Variants in MYO1D observed in about 807,000 individuals in gnomAD.
MYO1D encodes the protein myosin ID.
MYO1D carries 83 observed loss-of-function variants against 122.0 expected under a neutral mutation model. The ratio of observed to expected loss-of-function variants is 0.68; its 90% CI spans 0.57 to 0.82. The LOEUF is 0.82. Ranked by LOEUF, MYO1D falls within the 40% of genes least tolerant of loss-of-function variation. The pLI is 0.00. For missense variants in MYO1D, 1,157 were observed against 1,269.5 expected, an observed-to-expected ratio of 0.91 and a Z score of 1.35; for synonymous variants, 464 against 446.9, an observed-to-expected ratio of 1.04 and a Z score of -0.48.
chr17:32,579,488 T>C (rs1203920779), intron 21 of MYO1D, among the ~76,000 whole-genome samples: 1 of 152,224 alleles, frequency 6.6e-6, no homozygotes, highest in African/African-American at 2.4e-5. Context: ...GTCACTTTTA[T>C]TAAGGCATGC....
At chr17:32,699,345 G>A (rs894929827) in intron 16 of MYO1D, among the ~76,000 whole-genome samples, 2 of 152,130 alleles carry the variant, frequency 1.3e-5, no homozygotes, top group Non-Finnish European at 2.9e-5. Context: ...TACATATCAA[G>A]TTTCTGAAAT....
Position 32,755,614 on chromosome 17 carries a change from G to A in MYO1D, c.1345C>T (p.His449Tyr). Reference sequence around the variant, plus strand: ...TCAAGGATTGCAATGATCCCTTTGTGCTGTTGCTCCACGAGGTCAACAATG... The same window carrying A: ...TCAAGGATTGCAATGATCCCTTTGTACTGTTGCTCCACGAGGTCAACAATG... ...QIIVDLVEQQ[H>Y]KGIIAILDDA... The change falls in exon 11 of 22, where the codon CAC becomes TAC. Residue 449 changes from histidine (H) to tyrosine (Y), a missense_variant. Transcript: ENST00000318217. 1.2e-6 allele frequency: 2 copies of A among 1,613,804 alleles called. No homozygotes were observed. The highest frequency in any genetic ancestry group is 1.7e-6 in the Non-Finnish European group (2 of 1,179,810).
intron 14 of MYO1D, among the ~76,000 whole-genome samples, chr17:32,721,771 G>A (rs2150992086): frequency 6.6e-6 from 1 of 152,264 alleles, no homozygotes; most frequent in African/African-American, 2.4e-5. Flanking sequence ...ATTCTATGAA[G>A]GAGCTCAGCT....
intron 12 of MYO1D, among the ~76,000 whole-genome samples, chr17:32,748,722 T>C (rs2089866679): frequency 6.6e-6 from 1 of 152,230 alleles, no homozygotes; most frequent in South Asian, 2.1e-4. Context: ...GTACGAAATG[T>C]ACATGGGCAA....
At chr17:32,553,202 C>A (rs2087036893) in intron 21 of MYO1D, among the ~76,000 whole-genome samples, 1 of 151,822 alleles carries the variant, frequency 6.6e-6, no homozygotes, top group Non-Finnish European at 1.5e-5. Flanking sequence ...TGGGGGAACT[C>A]CTTAGAGGAG....
Position 32,653,768 on chromosome 17 carries a change from T to C in MYO1D, c.2595+75A>G, listed in dbSNP as rs2088432492. Reference sequence around the variant, plus strand: ...TTATGTACCTACTGTTATGTTTTATTACAGGCTTGCTTAAGTGAGTTTCAT... The same window carrying C: ...TTATGTACCTACTGTTATGTTTTATCACAGGCTTGCTTAAGTGAGTTTCAT... On this transcript the variant is annotated intron_variant, in intron 19 of 21. Transcript: ENST00000318217. 4 of 1,272,890 alleles carry C rather than the reference T, an allele frequency of 3.1e-6. 1 individual carries two copies. The highest frequency in any genetic ancestry group is 4.5e-6 in the Non-Finnish European group (4 of 884,466). 78.8% of individuals were successfully genotyped at this position (1,272,890 alleles called of 1,614,324 possible). A position where few individuals can be genotyped will look rare whatever the true frequency, so the allele number is the denominator to read the frequency against.
At chr17:32,814,475 A>C (rs1227873581) in intron 1 of MYO1D, among the ~76,000 whole-genome samples, 1 of 152,248 alleles carries the variant, frequency 6.6e-6, no homozygotes, top group Non-Finnish European at 1.5e-5. Context: ...CATATAAATG[A>C]CCTTATAAAA....
chr17:32,791,349 G>A (rs1220883417), intron 1 of MYO1D, among the ~76,000 whole-genome samples: 1 of 140,926 alleles, frequency 7.1e-6, no homozygotes, highest in South Asian at 2.2e-4. Flanking sequence ...GGGCAGCAGA[G>A]CGAGACTCCG....
chr17:32,664,846 A>C (rs1413604833), intron 16 of MYO1D, among the ~76,000 whole-genome samples: 1 of 152,216 alleles, frequency 6.6e-6, no homozygotes, highest in Non-Finnish European at 1.5e-5. Flanking sequence ...AAGCCAGATC[A>C]TGTCACTTCT....
chr17:32,601,453 T>C (rs769345804), intron 21 of MYO1D, among the ~76,000 whole-genome samples: 35 of 152,172 alleles, frequency 2.3e-4, no homozygotes, highest in Non-Finnish European at 5.0e-4. Flanking sequence ...TTGTCCTACA[T>C]GGGTACAGTT....
At chr17:32,674,695 T>C (rs2088779275) in intron 16 of MYO1D, among the ~76,000 whole-genome samples, 2 of 152,222 alleles carry the variant, frequency 1.3e-5, no homozygotes, top group South Asian at 4.1e-4. Context: ...ACAGTCATTT[T>C]TCAGCCCTAT....
intron 1 of MYO1D, among the ~76,000 whole-genome samples, chr17:32,807,403 A>G (rs147468082): frequency 1.3e-5 from 2 of 152,320 alleles, no homozygotes; most frequent in African/African-American, 4.8e-5. Context: ...TGTAAAATAT[A>G]CACTGTATCT....
chr17:32,637,645 TG>T (rs1405861665), intron 20 of MYO1D, among the ~76,000 whole-genome samples: 1 of 152,114 alleles, frequency 6.6e-6, no homozygotes, highest in Non-Finnish European at 1.5e-5. Flanking sequence ...CACTCCAGCC[TG>T]GGGGACAGAG....
chr17:32,613,309 C>A (rs891283539), intron 20 of MYO1D, among the ~76,000 whole-genome samples: 7 of 152,074 alleles, frequency 4.6e-5, no homozygotes, highest in African/African-American at 1.7e-4. Context: ...ATCCTGCTAG[C>A]AAAACCTGCT....
intron 1 of MYO1D, among the ~76,000 whole-genome samples, chr17:32,821,304 ATAAT>A (rs1421586654): frequency 6.6e-6 from 1 of 152,142 alleles, no homozygotes; most frequent in Non-Finnish European, 1.5e-5. Context: ...GTGGGCAGGA[ATAAT>A]TAGTCATTCA....
At chr17:32,550,437 T>C (rs1264063337) in intron 21 of MYO1D, among the ~76,000 whole-genome samples, 1 of 152,202 alleles carries the variant, frequency 6.6e-6, no homozygotes, top group Non-Finnish European at 1.5e-5. Context: ...TTTTCAATAC[T>C]ACAGAGTTGC....
intron 21 of MYO1D, among the ~76,000 whole-genome samples, chr17:32,527,641 TA>T (rs36077873): frequency 1.8e-3 from 274 of 150,994 alleles, no homozygotes; most frequent in Non-Finnish European, 2.8e-3. Context: ...AAAAATAAGA[TA>T]AAAAAAATAG....
chr17:32,704,088 TC>T (rs913467300), intron 16 of MYO1D, among the ~76,000 whole-genome samples: 1 of 152,216 alleles, frequency 6.6e-6, no homozygotes, highest in African/African-American at 2.4e-5. Context: ...TCTTAGCACC[TC>T]CTTTCTTAAA....
At chr17:32,842,497 T>C (rs2090892509) in intron 1 of MYO1D, among the ~76,000 whole-genome samples, 1 of 152,164 alleles carries the variant, frequency 6.6e-6, no homozygotes. Flanking sequence ...GTAGATACTT[T>C]ATACACTTTA....
Sources: allele counts gnomAD v4.1 joint callset (sites outside exome capture counted in the v4.1 genomes callset), GRCh38; gene constraint gnomAD v4.1.1; transcripts MANE v1.5; gene names NCBI Gene and HGNC (gene_info 2026-07-23, HGNC 2026-07-21).